Variants in GPHN observed in about 807,000 individuals in gnomAD.
GPHN encodes gephyrin.
In GPHN, 17 loss-of-function variants were observed where a neutral mutation model predicts 95.5. The ratio of observed to expected loss-of-function variants is 0.18; its 90% confidence interval spans 0.12 to 0.27. The LOEUF is 0.27. Among genes scored for constraint, GPHN ranks in the 10% least tolerant of loss-of-function variants. The probability of loss-of-function intolerance (pLI) is 1.00; values close to 1 mark genes in which losing one functional copy is unlikely to be tolerated. For synonymous variants in GPHN, 320 were observed against 322.5 expected, an observed-to-expected ratio of 0.99 and a Z score of 0.08; for missense variants, 660 against 978.1, an observed-to-expected ratio of 0.67 and a Z score of 4.34.
chr14:66,793,654 G>A lies in GPHN; in HGVS notation c.201+17133G>A, dbSNP rs146713114. 2.9e-3 allele frequency among the ~76,000 whole-genome samples: 443 copies of A among 152,136 alleles called. 7 individuals are homozygous for A. Among genetic ancestry groups the A allele is most frequent in the Non-Finnish European group, 1.0e-3 (71 of 67,988 alleles). The stretch of plus-strand genomic sequence containing the variant: ...GTATACACATGCATATGTAGTATGT[G>A]TAGTAATGGCACAAAAAGAGAGAAG... On this transcript the variant is annotated intron_variant, in intron 3 of 22. Transcript: ENST00000478722.
At chr14:66,922,998 C>T (rs930968191) in intron 7 of GPHN, 60 bp downstream of exon 7, 183 of 1,433,600 alleles carry the variant, frequency 1.3e-4, no homozygotes, top group Non-Finnish European at 2.0e-5. Flanking sequence ...GTACTGGTTT[C>T]ATCTGTTTTG....
the GPHN span, chr14:67,592,643 C>T: frequency 1.6e-4 from 251 of 1,588,734 alleles, no homozygotes; most frequent in Admixed American, 1.4e-3. Context: ...ACCTGGAAGA[C>T]GGGTACTACT....
the GPHN span, among the ~76,000 whole-genome samples, chr14:67,301,775 T>C: frequency 6.6e-6 from 1 of 152,214 alleles, no homozygotes; most frequent in African/African-American, 2.4e-5. Context: ...TTCCGAAGTT[T>C]AGTAAGCATT....
chr14:67,154,743 T>A (rs1475153350), intron 18 of GPHN, among the ~76,000 whole-genome samples: 1 of 152,134 alleles, frequency 6.6e-6, no homozygotes, highest in Non-Finnish European at 1.5e-5. Context: ...CATTTAGTGC[T>A]ATAGGAGCAT....
chr14:67,448,120 C>CTTTTTTTTTTTTTTTTTTT, the GPHN span, among the ~76,000 whole-genome samples: 2 of 36,050 alleles, frequency 5.5e-5, no homozygotes, highest in African/African-American at 2.0e-4. Flanking sequence ...ATAGCCCATT[C>CTTTTTTTTTTTTTTTTTTT]TTTTTTTTTT....
At chr14:67,312,836 G>C in the GPHN span, 1 of 778,636 alleles carries the variant, frequency 1.3e-6, no homozygotes, top group Non-Finnish European at 1.9e-6. Flanking sequence ...TTTTCGTGTA[G>C]TTGGGTTTTT....
In GPHN at chr14:67,165,199, G is replaced by A. The variant is rs1410967376; in HGVS notation, c.1948G>A (p.Val650Ile). 1 of 1,610,352 alleles carries A rather than the reference G, an allele frequency of 6.2e-7. No homozygotes were observed. The highest frequency in any genetic ancestry group is 1.1e-5 in the South Asian group (1 of 91,006). The change falls in exon 20 of 23, where the codon GTA becomes ATA. Residue 650 changes from valine (V) to isoleucine (I), a missense_variant. This residue lies in a region of GPHN where 257 missense variants were observed against 376.2 expected (regional missense o/e 0.68). Coordinates refer to ENST00000478722, the MANE Select transcript of GPHN (RefSeq NM_020806.5). ...TTFATLDIDG[V>I]RKIIFALPGN... Reference sequence around the variant, plus strand: ...ATTTGCAACTTTGGATATTGATGGTGTAAGAAAAATAATCTTTGCACTACC... The same window carrying A: ...ATTTGCAACTTTGGATATTGATGGTATAAGAAAAATAATCTTTGCACTACC...
intron 9 of GPHN, chr14:66,996,339 G>A (rs1033579296): frequency 3.6e-5 from 25 of 687,484 alleles, no homozygotes; most frequent in Middle Eastern, 4.7e-4. Context: ...GCCTGAAAGG[G>A]ATGAGGATAC....
At chr14:66,831,558 A>G (rs992067407) in intron 4 of GPHN, among the ~76,000 whole-genome samples, 14 of 152,158 alleles carry the variant, frequency 9.2e-5, no homozygotes, top group Admixed American at 9.2e-4. Flanking sequence ...TTGGCATGCA[A>G]TATGGTATAG....
chr14:67,049,637 C>G (rs566990077), intron 10 of GPHN, among the ~76,000 whole-genome samples: 22 of 150,438 alleles, frequency 1.5e-4, no homozygotes, highest in African/African-American at 5.4e-4. Context: ...CTCAGCCTCC[C>G]GAGTAGCTGG....
chr14:67,100,752 T>C (rs1457041520), intron 12 of GPHN, 104 bp from the exon 13 acceptor site: 5 of 777,544 alleles, frequency 6.4e-6, no homozygotes, highest in Non-Finnish European at 1.2e-5. Flanking sequence ...TCTCTAAGCC[T>C]TATCAAATAA....
intron 10 of GPHN, among the ~76,000 whole-genome samples, chr14:67,055,811 A>C (rs1349246289): frequency 1.3e-5 from 2 of 152,184 alleles, no homozygotes; most frequent in Non-Finnish European, 2.9e-5. Context: ...TTGTTCCTTC[A>C]GATGTTCAGA....
chr14:66,527,735 A>C (rs1241779844), intron 1 of GPHN, among the ~76,000 whole-genome samples: 7 of 152,146 alleles, frequency 4.6e-5, no homozygotes. Flanking sequence ...CCCAGTAGTC[A>C]TTCAGGGGCA....
the GPHN span, among the ~76,000 whole-genome samples, chr14:67,315,896 G>C: frequency 1.3e-5 from 2 of 152,268 alleles, no homozygotes; most frequent in Non-Finnish European, 2.9e-5. Flanking sequence ...CTGCACTCCA[G>C]CCTGGGTGAC....
chr14:66,855,058 G>A (rs554581561), intron 4 of GPHN, among the ~76,000 whole-genome samples: 18 of 152,184 alleles, frequency 1.2e-4, no homozygotes, highest in African/African-American at 3.4e-4. Flanking sequence ...TGTTAGCCAA[G>A]CTGGCCTCCA....
At chr14:67,021,644 T>C (rs568268945) in intron 9 of GPHN, among the ~76,000 whole-genome samples, 4 of 152,254 alleles carry the variant, frequency 2.6e-5, no homozygotes, top group Admixed American at 2.6e-4. Flanking sequence ...AGAAAATGTA[T>C]ATAAGAGGCA....
chr14:66,614,815 G>T (rs2153298974), intron 1 of GPHN, among the ~76,000 whole-genome samples: 1 of 152,090 alleles, frequency 6.6e-6, no homozygotes, highest in Admixed American at 6.5e-5. Flanking sequence ...GTATACATGT[G>T]CCATGGTGGT....
At chr14:66,910,193 A>C (rs1259175859) in intron 5 of GPHN, among the ~76,000 whole-genome samples, 1 of 151,990 alleles carries the variant, frequency 6.6e-6, no homozygotes, top group African/African-American at 2.4e-5. Context: ...AAGCCAGTAC[A>C]TATATGAACA....
intron 2 of GPHN, among the ~76,000 whole-genome samples, chr14:66,750,912 A>T: frequency 6.6e-6 from 1 of 151,930 alleles, no homozygotes; most frequent in East Asian, 1.9e-4. Flanking sequence ...TACTGCTGGG[A>T]TATCATTTGG....
Sources: allele counts gnomAD v4.1 joint callset (sites outside exome capture counted in the v4.1 genomes callset), GRCh38; gene constraint gnomAD v4.1.1; regional missense constraint gnomAD v4.1.1; transcripts MANE v1.5; gene names NCBI Gene and HGNC (gene_info 2026-07-23, HGNC 2026-07-21).